ZNF516: variants seen among roughly 807,000 people sequenced by gnomAD.
ZNF516 encodes zinc finger protein 516.
Under a neutral mutation model 79.7 loss-of-function variants are expected in ZNF516, and 19 were observed. That is an observed-to-expected ratio of 0.24 (90% confidence interval 0.17 to 0.35). The LOEUF is 0.35. Ranked by LOEUF, ZNF516 falls within the 10% of genes least tolerant of loss-of-function variation. ZNF516 has a pLI of 1.00. For synonymous variants in ZNF516, 877 were observed against 739.5 expected, an observed-to-expected ratio of 1.19 and a Z score of -3.02; for missense variants, 1,678 against 1,679.5, an observed-to-expected ratio of 1.00 and a Z score of 0.02.
chr18:76,485,868 T>TAAA (rs36043507), intron 1 of ZNF516, among the ~76,000 whole-genome samples: 75 of 138,272 alleles, frequency 5.4e-4, no homozygotes, highest in South Asian at 2.5e-3. Flanking sequence ...CTCATTTCTT[T>TAAA]AAAAAAAAAA....
Position 76,442,439 on chromosome 18 carries a change from T to A in ZNF516, c.616A>T (p.Ser206Cys), listed in dbSNP as rs1234226073. The A allele has an allele frequency of 6.2e-7, 1 of 1,606,636 alleles. No individual in the cohort carries two copies. The highest frequency in any genetic ancestry group is 2.2e-5 in the East Asian group (1 of 44,858). Residue 206 changes from serine (S) to cysteine (C), a missense_variant, in exon 3 of 7, where the codon AGC becomes TGC. By Grantham distance (112) the Ser-to-Cys change is moderately radical. Around this residue, in one of 5 missense-constraint regions of ZNF516, gnomAD observed 279 missense variants for 254.1 expected, o/e 1.10. Coordinates refer to ENST00000443185, the MANE Select transcript of ZNF516 (RefSeq NM_014643.4). ...GACTCCTCCCGCAGCGTCGCGTAGCTGCACAGCCTGCACTTGAACGGCTTG... is the reference window on the plus strand; with the variant it reads ...GACTCCTCCCGCAGCGTCGCGTAGCAGCACAGCCTGCACTTGAACGGCTTG... ...AHKPFKCRLC[S>C]YATLREESLL...
intron 1 of ZNF516, among the ~76,000 whole-genome samples, chr18:76,468,962 C>T (rs1913663940): frequency 1.3e-5 from 2 of 152,186 alleles, no homozygotes; most frequent in African/African-American, 4.8e-5. Context: ...CACTAAACCA[C>T]ACTGCTACAA....
rs150542244 is a variant in ZNF516 at position 76,389,926 on chromosome 18, C to A, written c.1811-9623G>T. ...GGTCACATGACCTCACCTGTGGTCCCGAGCGATAGTGGGCAGCACGCAGTT... is the reference window on the plus strand; with the variant it reads ...GGTCACATGACCTCACCTGTGGTCCAGAGCGATAGTGGGCAGCACGCAGTT... On this transcript the variant is annotated intron_variant, in intron 3 of 6. Coordinates refer to ENST00000443185, the MANE Select transcript of ZNF516 (RefSeq NM_014643.4). Among the ~76,000 whole-genome samples, 19 of 152,234 alleles carry A rather than the reference C, an allele frequency of 1.2e-4. 1 individual carries two copies. In the East Asian group the frequency reaches 3.7e-3, roughly 29 times the overall value.
rs1365698663 is a variant in ZNF516 at position 76,441,936 on chromosome 18, C to T, written c.1119G>A (p.Ala373=). 3 of 1,609,726 alleles carry T rather than the reference C, an allele frequency of 1.9e-6. No individual in the cohort carries two copies. Among genetic ancestry groups the T allele is most frequent in the Non-Finnish European group, 2.5e-6 (3 of 1,179,028 alleles). Residue 373 remains alanine (A), a synonymous_variant, in exon 3 of 7, where the codon GCG becomes GCA. Transcript: ENST00000443185. ...SRTRAPAEEG[A]EGPSDTKQFF... ...ACTGCTTGGTGTCCGAGGGCCCCTC[C>T]GCCCCCTCCTCGGCCGGGGCGCGCG...
intron 3 of ZNF516, chr18:76,387,538 A>C (rs2075012353): frequency 6.6e-6 from 1 of 152,214 alleles, no homozygotes; most frequent in African/African-American, 2.4e-5. Flanking sequence ...CCAAGAAAAA[A>C]GAAAAAAAAA....
intron 4 of ZNF516, among the ~76,000 whole-genome samples, chr18:76,377,712 G>A: frequency 7.4e-6 from 1 of 134,842 alleles, no homozygotes; most frequent in African/African-American, 2.6e-5. Context: ...GGCTTACAAC[G>A]TTATTTTTTT....
chr18:76,387,880 C>T (rs947143997), intron 3 of ZNF516: 16 of 152,312 alleles, frequency 1.1e-4, no homozygotes, highest in African/African-American at 3.6e-4. Flanking sequence ...TTCCTGTTTT[C>T]AAACTCAAGT....
Position 76,358,108 on chromosome 18 carries a change from AAAAT to A in ZNF516, c.*4386_*4389del, listed in dbSNP as rs1568220537. 1 of 152,216 alleles carries A rather than the reference AAAAT, an allele frequency of 6.6e-6. No individual in the cohort carries two copies. Among genetic ancestry groups the A allele is most frequent in the African/African-American group, 2.4e-5 (1 of 41,454 alleles). 9.4% of individuals were successfully genotyped at this position (152,216 alleles called of 1,614,324 possible). On this transcript the variant is annotated 3_prime_UTR_variant, in exon 7 of 7. Coordinates refer to ENST00000443185, the MANE Select transcript of ZNF516 (RefSeq NM_014643.4). ...CACTTTGGTTTATGTTCAGCCAACAAAAATAAATAACCACAGACCAAAGCGGGCT... is the reference window on the plus strand; with the variant it reads ...CACTTTGGTTTATGTTCAGCCAACAAAAATAACCACAGACCAAAGCGGGCT...
At chr18:76,409,727 C>T (rs555014355) in intron 3 of ZNF516, among the ~76,000 whole-genome samples, 197 of 152,316 alleles carry the variant, frequency 1.3e-3, no homozygotes, top group African/African-American at 4.5e-3. Flanking sequence ...GGTGGAAAAC[C>T]GAGAGAGCTG....
chr18:76,404,653 G>A (rs995432618), intron 3 of ZNF516, among the ~76,000 whole-genome samples: 15 of 152,226 alleles, frequency 9.9e-5, no homozygotes, highest in Admixed American at 5.9e-4. Context: ...GCATGTGCAT[G>A]TGTACATGGG....
chr18:76,441,126 A>T (rs1294683826), intron 3 of ZNF516, 119 bp downstream of exon 3: 3 of 1,389,438 alleles, frequency 2.2e-6, no homozygotes, highest in Non-Finnish European at 2.9e-6. Flanking sequence ...CTAGCTGAGT[A>T]AAGGGCCACC....
intron 1 of ZNF516, among the ~76,000 whole-genome samples, chr18:76,486,104 G>A (rs1409008384): frequency 6.6e-6 from 1 of 152,004 alleles, no homozygotes; most frequent in Non-Finnish European, 1.5e-5. Flanking sequence ...GCATTGAATG[G>A]CAAACTATTT....
At chr18:76,446,479 G>GT (rs1437467055) in intron 2 of ZNF516, among the ~76,000 whole-genome samples, 2 of 152,220 alleles carry the variant, frequency 1.3e-5, no homozygotes, top group East Asian at 3.9e-4. Context: ...AGATGGCACA[G>GT]TATCAAGGAG....
intron 3 of ZNF516, among the ~76,000 whole-genome samples, chr18:76,421,953 G>A (rs1027300866): frequency 6.6e-6 from 1 of 152,184 alleles, no homozygotes; most frequent in African/African-American, 2.4e-5. Context: ...TTTAAGGCAA[G>A]TGTTTTGTTT....
chr18:76,495,075 C>A (rs1164157226), intron 1 of ZNF516, 69 bp downstream of exon 1: 2 of 149,006 alleles, frequency 1.3e-5, no homozygotes, highest in Non-Finnish European at 3.0e-5. Flanking sequence ...CGTCGGGGCT[C>A]CGGGCCCCGC....
At chr18:76,427,005 A>G (rs2075602694) in intron 3 of ZNF516, among the ~76,000 whole-genome samples, 1 of 152,152 alleles carries the variant, frequency 6.6e-6, no homozygotes, top group Non-Finnish European at 1.5e-5. Flanking sequence ...GTCCCAGCCC[A>G]TGGGTCCTGC....
chr18:76,418,493 A>G (rs933793700), intron 3 of ZNF516, among the ~76,000 whole-genome samples: 6 of 152,094 alleles, frequency 3.9e-5, no homozygotes, highest in Admixed American at 1.3e-4. Flanking sequence ...ACACACTAAC[A>G]TACGCTGTAA....
At chr18:76,431,616 G>A (rs1218993973) in intron 3 of ZNF516, among the ~76,000 whole-genome samples, 1 of 152,206 alleles carries the variant, frequency 6.6e-6, no homozygotes, top group Non-Finnish European at 1.5e-5. Context: ...ATGGCTTGGT[G>A]CTCATTGCAA....
chr18:76,406,348 G>A (rs998427172), intron 3 of ZNF516, among the ~76,000 whole-genome samples: 2 of 152,230 alleles, frequency 1.3e-5, no homozygotes, highest in African/African-American at 2.4e-5. Context: ...GGAGGATCAC[G>A]AGATCAGGAG....
Sources: allele counts gnomAD v4.1 joint callset (sites outside exome capture counted in the v4.1 genomes callset), GRCh38; gene constraint gnomAD v4.1.1; regional missense constraint gnomAD v4.1.1; transcripts MANE v1.5; gene names NCBI Gene and HGNC (gene_info 2026-07-23, HGNC 2026-07-21).